The following FAM149A variants were observed in gnomAD, a reference collection of about 807,000 sequenced individuals.
The protein encoded by FAM149A is family with sequence similarity 149 member A.
Under a neutral mutation model 78.2 loss-of-function variants are expected in FAM149A, and 71 were observed. The ratio of observed to expected loss-of-function variants is 0.91; its 90% CI spans 0.75 to 1.11. The LOEUF (loss-of-function observed/expected upper bound fraction) is 1.11, where lower values mean the gene tolerates loss of function less well. FAM149A is among the 50% of genes least tolerant of loss of function. The pLI is 0.00. For synonymous variants in FAM149A, 446 were observed against 410.5 expected, an observed-to-expected ratio of 1.09 and a Z score of -1.04; for missense variants, 1,036 against 971.0, an observed-to-expected ratio of 1.07 and a Z score of -0.89.
At chr4:186,117,246 A>G (rs2099314142) in intron 1 of FAM149A, among the ~76,000 whole-genome samples, 1 of 152,220 alleles carries the variant, frequency 6.6e-6, no homozygotes, top group South Asian at 2.1e-4. Flanking sequence ...GTTTATTGCT[A>G]TGATCTGCAG....
intron 1 of FAM149A, among the ~76,000 whole-genome samples, chr4:186,119,974 A>G (rs2099315277): frequency 6.6e-6 from 1 of 152,218 alleles, no homozygotes; most frequent in African/African-American, 2.4e-5. Context: ...TACAGTTTGA[A>G]TATATGAAGC....
At chr4:186,139,806 T>C (rs2099325035) in intron 1 of FAM149A, among the ~76,000 whole-genome samples, 1 of 152,204 alleles carries the variant, frequency 6.6e-6, no homozygotes, top group African/African-American at 2.4e-5. Flanking sequence ...GTTGTATGTA[T>C]ATGTTTGTAT....
chr4:186,112,272 C>T (rs2099311622), intron 1 of FAM149A, among the ~76,000 whole-genome samples: 1 of 150,816 alleles, frequency 6.6e-6, no homozygotes, highest in African/African-American at 2.5e-5. Context: ...GCTGAAGTTG[C>T]TTATCAGCTT....
intron 1 of FAM149A, chr4:186,146,388 A>C: frequency 2.3e-6 from 2 of 864,492 alleles, no homozygotes; most frequent in Non-Finnish European, 2.8e-6. Context: ...CCTGCCCTGC[A>C]TCCCAAGACC....
At chr4:186,155,935 T>C (rs1489863355) in intron 6 of FAM149A, 65 bp from the exon 7 acceptor site, 1 of 1,315,952 alleles carries the variant, frequency 7.6e-7, no homozygotes, top group Non-Finnish European at 1.1e-6. Flanking sequence ...TGAATGTGTG[T>C]AGATAGAATT....
intron 8 of FAM149A, 98 bp from the exon 9 acceptor site, chr4:186,162,747 G>C (rs573508802): frequency 1.5e-6 from 1 of 653,814 alleles, no homozygotes; most frequent in East Asian, 2.7e-5. Flanking sequence ...TGAGTGTGCC[G>C]GGTGTTTCCT....
chr4:186,137,021 A>ACTCTCTCTCTCTCTCTCTCTCTCTCTC (rs1554068550), intron 1 of FAM149A, among the ~76,000 whole-genome samples: 2 of 93,780 alleles, frequency 2.1e-5, no homozygotes, highest in African/African-American at 4.5e-5. Flanking sequence ...TCTCTCTCTA[A>ACTCTCTCTCTCTCTCTCTCTCTCTCTC]GTGCTTAAAG....
chr4:186,119,700 A>C (rs1211228306), intron 1 of FAM149A, among the ~76,000 whole-genome samples: 2 of 152,220 alleles, frequency 1.3e-5, no homozygotes, highest in African/African-American at 4.8e-5. Flanking sequence ...TCCTGTTCAT[A>C]TCAGGCTTTT....
chr4:186,133,601 T>C (rs1187485192), intron 1 of FAM149A, among the ~76,000 whole-genome samples: 2 of 152,244 alleles, frequency 1.3e-5, no homozygotes, highest in Non-Finnish European at 2.9e-5. Context: ...TGTTTATCCA[T>C]TCTTCTGTTG....
intron 8 of FAM149A, chr4:186,158,633 A>G (rs6833211): frequency 0.063 from 68,946 of 1,086,524 alleles, 3,684 homozygotes; most frequent in African/African-American, 0.27. Context: ...GCCCCTGCAC[A>G]CACTGCCGCC....
At chr4:186,158,590 A>T (rs541074262) in intron 8 of FAM149A, 62 of 232,596 alleles carry the variant, frequency 2.7e-4, no homozygotes, top group Non-Finnish European at 3.7e-4. Context: ...GTGCCTGCTG[A>T]GCATTGCCGC....
intron 1 of FAM149A, chr4:186,127,301 T>G (rs2099318741): frequency 1.0e-6 from 1 of 984,636 alleles, no homozygotes; most frequent in African/African-American, 1.7e-5. Context: ...ACCAGCACAC[T>G]GCTGCTAGGA....
chr4:186,125,949 G>A (rs1561390516), intron 1 of FAM149A: 1 of 985,286 alleles, frequency 1.0e-6, no homozygotes, highest in Non-Finnish European at 1.2e-6. Flanking sequence ...GTAACAGCCT[G>A]TTCTCCAGCT....
In FAM149A at chr4:186,163,477, C is replaced by T; in HGVS notation, c.1733C>T (p.Ala578Val). ...GGAGGGGCAGGTGCTCTCTCCTCCGCACCGCACAGACTGGGACGGGCCTCA... is the reference window on the plus strand; with the variant it reads ...GGAGGGGCAGGTGCTCTCTCCTCCGTACCGCACAGACTGGGACGGGCCTCA... Residue 578 changes from alanine (A) to valine (V), a missense_variant, in exon 10 of 14, where the codon GCA becomes GTA. Physicochemically the swap from Ala to Val is moderately conservative, Grantham distance 64 (BLOSUM62 0). Coordinates refer to ENST00000389354, the MANE Select transcript of FAM149A (RefSeq NM_001367768.3). 2 of 1,614,090 alleles carry T rather than the reference C, an allele frequency of 1.2e-6. No individual in the cohort carries two copies. The highest frequency in any genetic ancestry group is 2.2e-5 in the South Asian group (2 of 91,068).
intron 1 of FAM149A, among the ~76,000 whole-genome samples, chr4:186,106,832 AG>A (rs2099308956): frequency 6.6e-6 from 1 of 152,138 alleles, no homozygotes; most frequent in Admixed American, 6.6e-5. Flanking sequence ...CTGTAGTCCC[AG>A]CTACTCGGAA....
intron 1 of FAM149A, among the ~76,000 whole-genome samples, chr4:186,112,052 T>C (rs2099311518): frequency 6.9e-6 from 1 of 144,826 alleles, no homozygotes; most frequent in Non-Finnish European, 1.5e-5. Context: ...TCCATTTGTT[T>C]GTATCCTCTT....
At chr4:186,153,374 C>A (rs1208611393) in intron 4 of FAM149A, 1 of 970,546 alleles carries the variant, frequency 1.0e-6, no homozygotes, top group Non-Finnish European at 1.2e-6. Context: ...ATTCATCAGC[C>A]CTGCAAGGTA....
chr4:186,137,652 T>C (rs2099324043), intron 1 of FAM149A, among the ~76,000 whole-genome samples: 1 of 152,084 alleles, frequency 6.6e-6, no homozygotes, highest in Non-Finnish European at 1.5e-5. Context: ...CTGGCAATAT[T>C]GCATGCCACC....
chr4:186,136,950 C>CTCTCTT (rs2099323089), intron 1 of FAM149A, among the ~76,000 whole-genome samples: 1 of 125,794 alleles, frequency 7.9e-6, no homozygotes, highest in Non-Finnish European at 1.6e-5. Context: ...CTCTCTCTCT[C>CTCTCTT]TCTCTCTCTC....
Sources: allele counts gnomAD v4.1 joint callset (sites outside exome capture counted in the v4.1 genomes callset), GRCh38; gene constraint gnomAD v4.1.1; transcripts MANE v1.5; gene names NCBI Gene and HGNC (gene_info 2026-07-23, HGNC 2026-07-21).